Variants in HCN1 observed in about 807,000 individuals in gnomAD.
The protein encoded by HCN1 is hyperpolarization activated cyclic nucleotide gated potassium channel 1, also known as potassium/sodium hyperpolarization-activated cyclic nucleotide-gated channel 1.
HCN1 carries 13 observed loss-of-function variants against 78.9 expected under a neutral mutation model. The ratio of observed to expected loss-of-function variants is 0.16; its 90% CI spans 0.11 to 0.26. The LOEUF (loss-of-function observed/expected upper bound fraction) is 0.26, where lower values mean the gene tolerates loss of function less well. Ranked by LOEUF, HCN1 falls within the 10% of genes least tolerant of loss-of-function variation. HCN1 has a pLI of 1.00. For missense variants in HCN1, 810 were observed against 1,154.3 expected, an observed-to-expected ratio of 0.70 and a Z score of 4.32; for synonymous variants, 552 against 455.5, an observed-to-expected ratio of 1.21 and a Z score of -2.70.
chr5:45,633,036 A>G (rs1340810890), intron 2 of HCN1, among the ~76,000 whole-genome samples: 1 of 151,994 alleles, frequency 6.6e-6, no homozygotes, highest in African/African-American at 2.4e-5. Context: ...CCTGGTTAAG[A>G]GTCTCCTACA....
rs115943132 is a variant in HCN1, at chr5:45,486,828, T to A, written c.850-24821A>T. ...GTCTATGTATGCAATTAAATATTCA[T>A]GAACTTTTATAATCAGAAGATAATT... On this transcript the variant is annotated intron_variant, in intron 2 of 7. Transcript: ENST00000303230. Among the ~76,000 whole-genome samples, 834 of 152,244 alleles carry A rather than the reference T, an allele frequency of 5.5e-3. 5 individuals are homozygous for A. The highest frequency in any genetic ancestry group is 0.019 in the African/African-American group (791 of 41,588).
chr5:45,301,391 T>C (rs187632988), intron 6 of HCN1, among the ~76,000 whole-genome samples: 52 of 151,518 alleles, frequency 3.4e-4, no homozygotes, highest in African/African-American at 1.2e-3. Flanking sequence ...CATGATAAAA[T>C]GTAGTAAAAC....
intron 2 of HCN1, among the ~76,000 whole-genome samples, chr5:45,588,358 T>C (rs558301779): frequency 2.0e-5 from 3 of 152,288 alleles, no homozygotes; most frequent in Admixed American, 2.0e-4. Flanking sequence ...ACTCGAATAC[T>C]GAGAATGGAG....
intron 2 of HCN1, among the ~76,000 whole-genome samples, chr5:45,485,040 C>T (rs1298551287): frequency 6.6e-6 from 1 of 152,134 alleles, no homozygotes; most frequent in East Asian, 1.9e-4. Flanking sequence ...AACTCATTAT[C>T]CATACATATG....
intron 2 of HCN1, among the ~76,000 whole-genome samples, chr5:45,526,115 T>C (rs935245447): frequency 6.6e-6 from 1 of 152,040 alleles, no homozygotes; most frequent in Admixed American, 6.6e-5. Context: ...TGTGTGTTAT[T>C]TATAAGCCAC....
intron 1 of HCN1, 103 bp downstream of exon 1, chr5:45,695,566 C>T (rs932699068): frequency 1.7e-6 from 2 of 1,174,650 alleles, no homozygotes; most frequent in African/African-American, 1.6e-5. Context: ...CGCCACCCCC[C>T]GCCCGCCCTC....
chr5:45,284,300 A>T (rs999306130), intron 6 of HCN1, among the ~76,000 whole-genome samples: 3 of 152,126 alleles, frequency 2.0e-5, no homozygotes, highest in African/African-American at 4.8e-5. Context: ...AGTTAAAAAA[A>T]TTGGCGCTCA....
rs116710649 is a variant in HCN1 at position 45,679,762 on chromosome 5, C to T, written c.425+15907G>A. On this transcript the variant is annotated intron_variant, in intron 1 of 7. Transcript: ENST00000303230. The stretch of plus-strand genomic sequence containing the variant: ...ATAAAATTGTTTCTTGGGAGAAATG[C>T]TATTTTCAAATGTCACTAGCTTCTA... Among the ~76,000 whole-genome samples the T allele has an allele frequency of 4.8e-3, 727 of 152,170 alleles. 3 individuals are homozygous for T. Among genetic ancestry groups the T allele is most frequent in the Non-Finnish European group, 8.3e-3 (567 of 67,992 alleles).
At chr5:45,348,540 C>A (rs943720183) in intron 5 of HCN1, among the ~76,000 whole-genome samples, 1 of 152,124 alleles carries the variant, frequency 6.6e-6, no homozygotes, top group Non-Finnish European at 1.5e-5. Context: ...TGTAAATGGA[C>A]TAAATGCTCC....
intron 5 of HCN1, among the ~76,000 whole-genome samples, chr5:45,325,678 G>C (rs942463254): frequency 3.3e-5 from 5 of 151,572 alleles, no homozygotes; most frequent in Non-Finnish European, 7.4e-5. Context: ...GCATATATGA[G>C]AAAATCAGCC....
rs1741166304 is a variant in HCN1 at position 45,461,798 on chromosome 5, T to C, written c.1011+48A>G. 14 of 1,491,562 alleles carry C rather than the reference T, an allele frequency of 9.4e-6. No homozygotes were observed. The East Asian group carries it at 3.2e-4, about 34-fold the overall frequency. 92.4% of individuals were successfully genotyped at this position (1,491,562 alleles called of 1,614,324 possible). On this transcript the variant is annotated intron_variant, in intron 3 of 7. Coordinates refer to ENST00000303230, the MANE Select transcript of HCN1 (RefSeq NM_021072.4). ...TGTAACATAATTACTTAAAAGGTTTTGGCACAACGTTGAAAAGTCAGAGTG... is the reference window on the plus strand; with the variant it reads ...TGTAACATAATTACTTAAAAGGTTTCGGCACAACGTTGAAAAGTCAGAGTG...
intron 5 of HCN1, among the ~76,000 whole-genome samples, chr5:45,319,053 A>T (rs1318795402): frequency 6.6e-6 from 1 of 151,954 alleles, no homozygotes; most frequent in Non-Finnish European, 1.5e-5. Flanking sequence ...GCTATATTTC[A>T]TTTTATGGTT....
chr5:45,681,797 A>G (rs1442348744), intron 1 of HCN1, among the ~76,000 whole-genome samples: 4 of 152,184 alleles, frequency 2.6e-5, no homozygotes, highest in African/African-American at 9.6e-5. Flanking sequence ...GCCCAAAGGG[A>G]TACATTCTCA....
intron 4 of HCN1, among the ~76,000 whole-genome samples, chr5:45,353,927 G>T (rs1746961659): frequency 6.6e-6 from 1 of 151,922 alleles, no homozygotes; most frequent in Admixed American, 6.6e-5. Flanking sequence ...ATTGTTTTAA[G>T]AACTGGGGAG....
intron 3 of HCN1, among the ~76,000 whole-genome samples, chr5:45,413,989 C>T (rs1380526407): frequency 6.6e-6 from 1 of 151,730 alleles, no homozygotes; most frequent in Admixed American, 6.6e-5. Context: ...AAATTGTTGC[C>T]AAAGTGTAAG....
intron 5 of HCN1, among the ~76,000 whole-genome samples, chr5:45,347,399 A>G (rs1386011908): frequency 6.6e-6 from 1 of 152,326 alleles, no homozygotes; most frequent in Non-Finnish European, 1.5e-5. Flanking sequence ...AAAGTCGATA[A>G]AACCACAAAG....
At chr5:45,388,801 C>A (rs1474637590) in intron 4 of HCN1, among the ~76,000 whole-genome samples, 1 of 152,068 alleles carries the variant, frequency 6.6e-6, no homozygotes, top group Non-Finnish European at 1.5e-5. Flanking sequence ...ATTGTTGAGT[C>A]TCTGTCTTAC....
intron 2 of HCN1, among the ~76,000 whole-genome samples, chr5:45,636,820 C>T (rs923474706): frequency 6.6e-6 from 1 of 151,968 alleles, no homozygotes; most frequent in African/African-American, 2.4e-5. Context: ...TTAGCCTGAG[C>T]AAAAGAGCAA....
In HCN1 at chr5:45,294,210, CG is replaced by C. The variant is rs369642870; in HGVS notation, c.1618+9388del. ...TCCTCTTAGAGTTAACGAATAGTCA[CG>C]GTGACCATGATTGCCTGTGGTTTTT... is the stretch of plus-strand genomic sequence containing the variant. On this transcript the variant is annotated intron_variant, in intron 6 of 7. Coordinates refer to ENST00000303230, the MANE Select transcript of HCN1 (RefSeq NM_021072.4). Among the ~76,000 whole-genome samples the C allele has an allele frequency of 4.7e-4, 72 of 152,064 alleles. No individual in the cohort carries two copies. In the East Asian group the frequency reaches 0.011, roughly 24 times the overall value.
Sources: allele counts gnomAD v4.1 joint callset (sites outside exome capture counted in the v4.1 genomes callset), GRCh38; gene constraint gnomAD v4.1.1; transcripts MANE v1.5; gene names NCBI Gene and HGNC (gene_info 2026-07-23, HGNC 2026-07-21).